ACCSL: variants seen among roughly 807,000 people sequenced by gnomAD.
The protein encoded by ACCSL is probable inactive 1-aminocyclopropane-1-carboxylate synthase-like protein 2.
A neutral mutation model predicts 61.7 loss-of-function variants in ACCSL; 55 were observed. The observed-to-expected ratio is 0.89, with a 90% CI of 0.72 to 1.12. ACCSL has a LOEUF of 1.12. Ranked by LOEUF, ACCSL falls within the 50% of genes most tolerant of loss-of-function variation. The pLI, the probability that ACCSL is intolerant of heterozygous loss-of-function variation, is 0.00. For synonymous variants in ACCSL, 258 were observed against 264.3 expected (o/e 0.98, Z 0.23); for missense variants, 632 against 698.0 (o/e 0.91, Z 1.07).
At chr11:43,981,532 A>G in the ACCSL span, among the ~76,000 whole-genome samples, 2 of 152,164 alleles carry the variant, frequency 1.3e-5, no homozygotes, top group Non-Finnish European at 2.9e-5. Context: ...GTTAAAGAAA[A>G]ACACTTTTCT....
At chr11:44,042,535 G>C in the ACCSL span, among the ~76,000 whole-genome samples, 9,006 of 151,022 alleles carry the variant, frequency 0.06, 497 homozygotes, top group African/African-American at 0.14. Flanking sequence ...GTTGATGAGG[G>C]TGGTCTCCAA....
At chr11:43,964,716 C>A in the ACCSL span, among the ~76,000 whole-genome samples, 1 of 152,046 alleles carries the variant, frequency 6.6e-6, no homozygotes, top group African/African-American at 2.4e-5. Context: ...GCAAACAAGT[C>A]CAAAAGCATA....
intron 11 of ACCSL, among the ~76,000 whole-genome samples, chr11:44,057,451 C>T (rs909123477): frequency 3.9e-5 from 6 of 152,194 alleles, no homozygotes; most frequent in South Asian, 2.1e-4. Context: ...GCCCCTTGAA[C>T]GCTAGTCCTC....
At chr11:44,027,738 A>G in the ACCSL span, among the ~76,000 whole-genome samples, 2 of 152,356 alleles carry the variant, frequency 1.3e-5, no homozygotes, top group South Asian at 2.1e-4. Context: ...AGATAATTTA[A>G]GGTAATATAT....
At chr11:43,964,375 G>T in the ACCSL span, among the ~76,000 whole-genome samples, 1 of 151,644 alleles carries the variant, frequency 6.6e-6, no homozygotes, top group East Asian at 1.9e-4. Context: ...AGGCAGAGGT[G>T]GCAGTGAGCC....
At chr11:44,044,156 C>A (rs148023632), upstream of ACCSL, among the ~76,000 whole-genome samples, 1 of 152,160 alleles carries the variant, frequency 6.6e-6, no homozygotes, top group South Asian at 2.1e-4. Flanking sequence ...AACCCAATCT[C>A]AGAACTTGAG....
the ACCSL span, among the ~76,000 whole-genome samples, chr11:43,974,270 G>T: frequency 6.6e-6 from 1 of 152,152 alleles, no homozygotes; most frequent in African/African-American, 2.4e-5. Flanking sequence ...TCCTTCTGGA[G>T]CCTTTGAGGG....
At chr11:43,994,525 T>TGTGTGTCTGTGTGTGTTGTGTGC in the ACCSL span, among the ~76,000 whole-genome samples, 3 of 152,148 alleles carry the variant, frequency 2.0e-5, no homozygotes, top group African/African-American at 7.2e-5. Context: ...TATGTGTGTG[T>TGTGTGTCTGTGTGTGTTGTGTGC]GTGTGTCTGT....
At position 44,053,427 on chromosome 11, in the gene ACCSL, G is replaced by C; in HGVS notation, c.970G>C (p.Val324Leu). 2 of 1,614,166 alleles carry C rather than the reference G, an allele frequency of 1.2e-6. No homozygotes were observed. The highest frequency in any genetic ancestry group is 1.7e-6 in the Non-Finnish European group (2 of 1,180,034). The change falls in exon 8 of 14, where the codon GTG (valine) becomes CTG (leucine). Residue 324 changes from valine to leucine, a missense_variant. Physicochemically the swap from Val to Leu is conservative, Grantham distance 32 (BLOSUM62 1). Transcript: ENST00000378832. ...TTAGGGGAAAAAGGTCCGAGGCCTT[G>C]TGCTAATCAACCCTCAGAATCCTCT... Reference protein sequence around the residue: ...RLEGKKVRGLVLINPQNPLGD... With the variant: ...RLEGKKVRGLLLINPQNPLGD...
At chr11:44,005,895 G>A in the ACCSL span, among the ~76,000 whole-genome samples, 5 of 152,218 alleles carry the variant, frequency 3.3e-5, no homozygotes, top group Non-Finnish European at 5.9e-5. Flanking sequence ...AGTGGCAGAA[G>A]CTGGATTTGG....
intron 7 of ACCSL, among the ~76,000 whole-genome samples, 162 bp from the exon 8 acceptor site, chr11:44,053,244 C>T (rs1468657281): frequency 7.9e-5 from 12 of 152,164 alleles, no homozygotes; most frequent in Non-Finnish European, 4.4e-5. Context: ...ATGGCAGCCC[C>T]AGACTTCCTT....
intron 5 of ACCSL, 73 bp from the exon 6 acceptor site, chr11:44,052,589 A>G: frequency 5.4e-6 from 7 of 1,291,246 alleles, no homozygotes; most frequent in Non-Finnish European, 7.8e-6. Context: ...TAGCTTTGCT[A>G]GTTTGGGGAG....
At chr11:43,993,845 T>A in the ACCSL span, among the ~76,000 whole-genome samples, 1 of 152,216 alleles carries the variant, frequency 6.6e-6, no homozygotes, top group African/African-American at 2.4e-5. Context: ...GCTGCAGCGA[T>A]TGGGCGGTGA....
At chr11:43,986,732 G>A in the ACCSL span, among the ~76,000 whole-genome samples, 421 of 152,230 alleles carry the variant, frequency 2.8e-3, 4 homozygotes, top group African/African-American at 9.7e-3. Flanking sequence ...GCATCTCAAC[G>A]TTTGCCTGCA....
the ACCSL span, among the ~76,000 whole-genome samples, chr11:43,928,405 A>G: frequency 3.7e-4 from 56 of 152,304 alleles, no homozygotes; most frequent in African/African-American, 1.3e-3. Context: ...CGAGGTCAGC[A>G]TATCAAGGTT....
At chr11:44,039,631 C>T in the ACCSL span, among the ~76,000 whole-genome samples, 8 of 152,114 alleles carry the variant, frequency 5.3e-5, no homozygotes, top group Admixed American at 5.2e-4. Context: ...CCAAACACAG[C>T]CTGTTTCCCA....
chr11:43,998,161 A>G, the ACCSL span, among the ~76,000 whole-genome samples: 25 of 152,332 alleles, frequency 1.6e-4, 2 homozygotes, highest in East Asian at 4.8e-3. Flanking sequence ...AGATGGTTGA[A>G]TGAGACAAGG....
Position 44,050,704 on chromosome 11 carries a change from C to T in ACCSL, c.635+82C>T, listed in dbSNP as rs936514879. On this transcript the variant is annotated intron_variant, in intron 3 of 13. Transcript: ENST00000378832. ...GAAGGAGGATTCAAGGCACCAAATT[C>T]CTGGTTGGTTACCTCCCTATCTCTT... is the stretch of plus-strand genomic sequence containing the variant. 11 of 1,365,990 alleles carry T rather than the reference C, an allele frequency of 8.1e-6. No homozygotes were observed. The Admixed American group carries it at 1.9e-4, about 24-fold the overall frequency. The allele number at this position is 1,365,990 out of a possible 1,614,324, so 84.6% of individuals were successfully genotyped here.
At chr11:43,977,016 A>T in the ACCSL span, among the ~76,000 whole-genome samples, 1 of 152,212 alleles carries the variant, frequency 6.6e-6, no homozygotes, top group Non-Finnish European at 1.5e-5. Context: ...GGTGCCTTGA[A>T]TGGAAATGGC....
Sources: allele counts gnomAD v4.1 joint callset (sites outside exome capture counted in the v4.1 genomes callset), GRCh38; gene constraint gnomAD v4.1.1; transcripts MANE v1.5; gene names NCBI Gene and HGNC (gene_info 2026-07-23, HGNC 2026-07-21).